The following IL6R variants were observed in gnomAD, a reference collection of about 807,000 sequenced individuals.
The protein encoded by IL6R is interleukin 6 receptor.
A neutral mutation model predicts 48.3 loss-of-function variants in IL6R; 38 were observed. The ratio of observed to expected loss-of-function variants is 0.79; its 90% confidence interval spans 0.61 to 1.03. IL6R has a LOEUF of 1.03. IL6R is among the 50% of genes least tolerant of loss of function. IL6R has a pLI of 0.00. For missense variants in IL6R, 534 were observed against 618.3 expected, an observed-to-expected ratio of 0.86 and a Z score of 1.45; for synonymous variants, 264 against 256.2, an observed-to-expected ratio of 1.03 and a Z score of -0.29.
intron 8 of IL6R, 129 bp from the exon 9 acceptor site, chr1:154,454,359 G>T: frequency 3.2e-6 from 2 of 632,472 alleles, no homozygotes; most frequent in Middle Eastern, 4.1e-4. Context: ...TTTTCTGGGA[G>T]GGGGGTTGGA....
intron 6 of IL6R, among the ~76,000 whole-genome samples, chr1:154,443,535 G>A (rs1690046699): frequency 6.6e-6 from 1 of 152,216 alleles, no homozygotes; most frequent in South Asian, 2.1e-4. Flanking sequence ...CACTGGCTCT[G>A]GAGTCAGGCA....
At chr1:154,414,640 A>G in intron 1 of IL6R, 1 of 826,036 alleles carries the variant, frequency 1.2e-6, no homozygotes, top group Non-Finnish European at 2.1e-6. Context: ...GATGTCGATG[A>G]AGACGGTGTA....
intron 7 of IL6R, among the ~76,000 whole-genome samples, chr1:154,449,687 G>A (rs1690475768): frequency 6.6e-6 from 1 of 152,192 alleles, no homozygotes. Context: ...AGCTTTTGGT[G>A]GAGAGGCAGG....
intron 1 of IL6R, chr1:154,414,969 T>A (rs984886901): frequency 2.1e-6 from 3 of 1,427,566 alleles, no homozygotes; most frequent in Non-Finnish European, 2.9e-6. Flanking sequence ...GGCCCCGATC[T>A]TCAGTATGTC....
intron 1 of IL6R, among the ~76,000 whole-genome samples, chr1:154,424,856 G>A (rs535380595): frequency 1.3e-5 from 2 of 152,172 alleles, no homozygotes; most frequent in East Asian, 1.9e-4. Flanking sequence ...GGCTTCATTC[G>A]GCTGGGAGCT....
intron 2 of IL6R, among the ~76,000 whole-genome samples, chr1:154,430,094 A>G (rs1419387073): frequency 6.6e-6 from 1 of 152,084 alleles, no homozygotes; most frequent in Non-Finnish European, 1.5e-5. Flanking sequence ...TTCCATCATC[A>G]TTACATTATC....
chr1:154,420,010 G>A (rs1034365154), intron 1 of IL6R, among the ~76,000 whole-genome samples: 1 of 152,026 alleles, frequency 6.6e-6, no homozygotes, highest in Admixed American at 6.6e-5. Context: ...TAGGCCACCG[G>A]GGCAGGGAGA....
intron 7 of IL6R, among the ~76,000 whole-genome samples, chr1:154,448,938 C>T (rs1266923777): frequency 8.4e-6 from 1 of 119,264 alleles, no homozygotes; most frequent in African/African-American, 3.2e-5. Context: ...CCAGGTGGGA[C>T]TGCGGACTGC....
chr1:154,417,545 G>C (rs1006279362), intron 1 of IL6R, among the ~76,000 whole-genome samples: 4 of 152,034 alleles, frequency 2.6e-5, no homozygotes, highest in African/African-American at 9.7e-5. Flanking sequence ...CTGGGGTTAG[G>C]TTTGGGCCAG....
chr1:154,434,411 A>C, intron 3 of IL6R, 108 bp from the exon 4 acceptor site: 1 of 878,888 alleles, frequency 1.1e-6, no homozygotes. Flanking sequence ...AGGGCTTATA[A>C]GTCTGGAGCT....
chr1:154,429,266 G>A lies in IL6R; in HGVS notation c.156G>A (p.Pro52=), dbSNP rs1689159600. 2.5e-6 allele frequency: 4 copies of A among 1,614,112 alleles called. No homozygotes were observed. The highest frequency in any genetic ancestry group is 1.1e-5 in the South Asian group (1 of 91,068). Residue 52 remains proline, a synonymous_variant, in exon 2 of 10, where the codon CCG becomes CCA. Transcript: ENST00000368485. ...CTCTGACCTGCCCGGGGGTAGAGCC[G>A]GAAGACAATGCCACTGTTCACTGGG... ...SVTLTCPGVE[P]EDNATVHWVL...
At chr1:154,441,138 C>T (rs897844297) in intron 6 of IL6R, among the ~76,000 whole-genome samples, 1 of 152,244 alleles carries the variant, frequency 6.6e-6, no homozygotes, top group Non-Finnish European at 1.5e-5. Flanking sequence ...CCCAGACCTG[C>T]ATCTGCTTGG....
rs1363977547 is a variant in IL6R, at chr1:154,467,491, A to G, written c.*2111A>G. The G allele has an allele frequency of 1.3e-5, 2 of 152,262 alleles. No individual in the cohort carries two copies. The highest frequency in any genetic ancestry group is 4.8e-5 in the African/African-American group (2 of 41,466). The allele number at this position is 152,262 out of a possible 1,614,324, so 9.4% of individuals were successfully genotyped here. A position where few individuals can be genotyped will look rare whatever the true frequency, so the allele number is the denominator to read the frequency against. On this transcript the variant is annotated 3_prime_UTR_variant, in exon 10 of 10. Coordinates refer to ENST00000368485, the MANE Select transcript of IL6R (RefSeq NM_000565.4). The stretch of plus-strand genomic sequence containing the variant: ...GGATGAAAGTGACCATGTTTTGTTT[A>G]CGGTTTTCCAGGTTTAAGCTGTTAC...
intron 8 of IL6R, 117 bp downstream of exon 8, chr1:154,450,097 A>T (rs1690493193): frequency 1.9e-6 from 1 of 536,770 alleles, no homozygotes; most frequent in Admixed American, 2.6e-5. Context: ...TCAATCGCAG[A>T]AATGTTCTGT....
At chr1:154,445,965 A>G (rs182166451) in intron 6 of IL6R, among the ~76,000 whole-genome samples, 31 of 151,766 alleles carry the variant, frequency 2.0e-4, no homozygotes, top group African/African-American at 5.6e-4. Context: ...AGGTCTCACT[A>G]TGTTACCCAG....
Position 154,448,169 on chromosome 1 carries a change from C to T in IL6R, c.994C>T (p.Gln332Ter). 2.5e-6 allele frequency: 4 copies of T among 1,612,976 alleles called. No homozygotes were observed. Among genetic ancestry groups the T allele is most frequent in the Non-Finnish European group, 3.4e-6 (4 of 1,179,180 alleles). Residue 332 changes from glutamine (Q) to a stop codon, truncating the protein, a stop_gained and splice_region_variant, in exon 7 of 10, where the codon CAG becomes TAG. Transcript: ENST00000368485. LOFTEE classifies it high-confidence loss of function. ...PAENEVSTPM[Q>*]ALTTNKDDDN... ...TGAGAACGAGGTGTCCACCCCCATG[C>T]AGGTGAGCTCCTGTTCTTGTAAAAG...
At chr1:154,436,939 C>T (rs1689657024) in intron 6 of IL6R, among the ~76,000 whole-genome samples, 1 of 152,152 alleles carries the variant, frequency 6.6e-6, no homozygotes, top group South Asian at 2.1e-4. Flanking sequence ...TAGTATGCTG[C>T]TTTCCTTTTT....
At chr1:154,458,134 T>C (rs188261799) in intron 9 of IL6R, among the ~76,000 whole-genome samples, 2 of 151,628 alleles carry the variant, frequency 1.3e-5, no homozygotes, top group East Asian at 1.9e-4. Flanking sequence ...GCCTGGCTAA[T>C]TTTTTGTATT....
rs552986834 is a variant in IL6R at position 154,412,945 on chromosome 1, C to CT, written c.85+7246dup. ...AGGAAATTTAAACAAAGAACTTCCT[C>CT]TTTTTTTTTTTTTTTGTATTTCATT... On this transcript the variant is annotated intron_variant, in intron 1 of 9. Transcript: ENST00000368485. 6.9e-3 allele frequency among the ~76,000 whole-genome samples: 915 copies of CT among 132,766 alleles called. 6 individuals are homozygous for CT. Among genetic ancestry groups the CT allele is most frequent in the South Asian group, 0.018 (73 of 4,104 alleles). 87.1% of individuals were successfully genotyped at this position (132,766 alleles called of 152,430 possible).
Sources: gnomAD v4.1 joint callset for allele counts (sites outside exome capture counted in the v4.1 genomes callset) on GRCh38, gnomAD v4.1.1 for gene constraint, MANE v1.5 for transcripts, NCBI Gene and HGNC (gene_info 2026-07-23, HGNC 2026-07-21) for gene names.